Variants in APOLD1 observed in about 807,000 individuals in gnomAD.
The protein encoded by APOLD1 is apolipoprotein L domain-containing protein 1.
A neutral mutation model predicts 15.3 loss-of-function variants in APOLD1; 22 were observed. The ratio of observed to expected loss-of-function variants is 1.44; its 90% CI spans 1.03 to 2.05. The LOEUF is 2.05. APOLD1 is among the 30% of genes most tolerant of loss of function. The pLI, the probability that APOLD1 is intolerant of heterozygous loss-of-function variation, is 0.00. For synonymous variants in APOLD1, 190 were observed against 167.4 expected, an observed-to-expected ratio of 1.13 and a Z score of -1.04; for missense variants, 394 against 353.5, an observed-to-expected ratio of 1.11 and a Z score of -0.92.
chr12:12,741,309 T>G (rs983798739), intron 1 of APOLD1, among the ~76,000 whole-genome samples: 2 of 152,338 alleles, frequency 1.3e-5, no homozygotes, highest in African/African-American at 4.8e-5. Context: ...TGGGCTCAAG[T>G]GATCCTCCCA....
At chr12:12,773,226 A>T (rs1228056579) in intron 1 of APOLD1, among the ~76,000 whole-genome samples, 1 of 152,238 alleles carries the variant, frequency 6.6e-6, no homozygotes, top group East Asian at 1.9e-4. Flanking sequence ...CTAAGCTTCC[A>T]CCTTAGGAAT....
intron 1 of APOLD1, among the ~76,000 whole-genome samples, chr12:12,732,453 G>A (rs1387549812): frequency 6.6e-6 from 1 of 152,168 alleles, no homozygotes; most frequent in African/African-American, 2.4e-5. Context: ...ATGTGTTATG[G>A]AAACTTTACA....
intron 1 of APOLD1, among the ~76,000 whole-genome samples, chr12:12,755,375 C>T (rs1338929573): frequency 6.6e-6 from 1 of 151,816 alleles, no homozygotes; most frequent in Non-Finnish European, 1.5e-5. Context: ...CAAAAGGAAG[C>T]CCTATACCCA....
rs1476978973 is a variant in APOLD1 at position 12,787,232 on chromosome 12, G to T, written c.327G>T (p.Leu109=). 2.5e-6 allele frequency: 4 copies of T among 1,571,530 alleles called. No homozygotes were observed. The African/African-American group carries it at 5.4e-5, about 21-fold the overall frequency. The change falls in exon 2 of 2, where the codon CTG becomes CTT. Residue 109 remains leucine (L), a synonymous_variant. Coordinates refer to ENST00000356591, the MANE Select transcript of APOLD1 (RefSeq NM_030817.3). The surrounding 1 kb of genome is among the most constrained non-coding windows in gnomAD (Gnocchi z 4.9). ...GAVTITSDLS[L]IFCNSRELRR... ...TCACCATCACGTCCGATCTCTCGCT[G>T]ATCTTCTGCAACTCCCGGGAGCTGC...
At chr12:12,785,007 C>T (rs1453071522), upstream of APOLD1, among the ~76,000 whole-genome samples, 1 of 152,196 alleles carries the variant, frequency 6.6e-6, no homozygotes, top group African/African-American at 2.4e-5. Context: ...CAGCCTGACC[C>T]CACTGATTTT....
At chr12:12,756,305 A>G (rs999255037) in intron 1 of APOLD1, among the ~76,000 whole-genome samples, 1 of 152,302 alleles carries the variant, frequency 6.6e-6, no homozygotes, top group East Asian at 1.9e-4. Context: ...AGAGTACAGA[A>G]TTAGACCCGT....
intron 1 of APOLD1, among the ~76,000 whole-genome samples, chr12:12,761,989 C>A (rs1258885570): frequency 2.0e-5 from 3 of 151,998 alleles, no homozygotes; most frequent in African/African-American, 7.3e-5. Context: ...GTGTGCACCA[C>A]CACCATGCCT....
chr12:12,785,168 C>G (rs562355249), upstream of APOLD1, among the ~76,000 whole-genome samples: 2 of 152,300 alleles, frequency 1.3e-5, no homozygotes. Context: ...CAAATGATCC[C>G]AGGCTCCAGC....
chr12:12,738,486 A>G (rs76172316), intron 1 of APOLD1, among the ~76,000 whole-genome samples: 13,325 of 152,240 alleles, frequency 0.088, 683 homozygotes, highest in South Asian at 0.14. Flanking sequence ...GATGAGAAGC[A>G]TGAACCACTG....
intron 1 of APOLD1, among the ~76,000 whole-genome samples, chr12:12,769,970 T>C (rs929806265): frequency 2.0e-5 from 3 of 151,848 alleles, no homozygotes; most frequent in African/African-American, 7.3e-5. Flanking sequence ...CAAGAAAAAA[T>C]TACAAAGTAT....
chr12:12,758,925 T>C (rs1468442063), intron 1 of APOLD1, among the ~76,000 whole-genome samples: 1 of 152,172 alleles, frequency 6.6e-6, no homozygotes, highest in East Asian at 1.9e-4. Flanking sequence ...TCTTGTACTT[T>C]GGGGCCATTA....
chr12:12,777,923 T>TTTTTTTTGTTG (rs1555092183), intron 1 of APOLD1, among the ~76,000 whole-genome samples: 3 of 121,564 alleles, frequency 2.5e-5, no homozygotes, highest in Admixed American at 9.1e-5. Context: ...TTTTTTTTTT[T>TTTTTTTTGTTG]TTGTTGTTGT....
intron 1 of APOLD1, among the ~76,000 whole-genome samples, chr12:12,764,302 G>T (rs1033407397): frequency 7.2e-5 from 11 of 152,140 alleles, no homozygotes; most frequent in Admixed American, 3.9e-4. Flanking sequence ...TTGTACAAAA[G>T]ATCTGTTGAA....
chr12:12,778,573 C>A (rs1464569880), intron 1 of APOLD1, among the ~76,000 whole-genome samples: 2 of 151,934 alleles, frequency 1.3e-5, no homozygotes, highest in Non-Finnish European at 2.9e-5. Flanking sequence ...AGCAATCCTC[C>A]TGCCTCGGCC....
chr12:12,734,075 A>G (rs1278030583), intron 1 of APOLD1, among the ~76,000 whole-genome samples: 2 of 152,152 alleles, frequency 1.3e-5, no homozygotes, highest in Non-Finnish European at 2.9e-5. Context: ...AAATCTGTAC[A>G]TGAGTTATGA....
intron 1 of APOLD1, among the ~76,000 whole-genome samples, chr12:12,739,533 T>C (rs912679645): frequency 5.3e-5 from 8 of 152,348 alleles, no homozygotes; most frequent in African/African-American, 1.9e-4. Flanking sequence ...TTAAAAAATA[T>C]ATCTCAGAGT....
intron 1 of APOLD1, among the ~76,000 whole-genome samples, chr12:12,749,489 C>CA (rs1946791029): frequency 6.6e-6 from 1 of 152,218 alleles, no homozygotes; most frequent in Admixed American, 6.5e-5. Flanking sequence ...AGCAACCAAT[C>CA]AGACTGATTG....
chr12:12,753,578 A>G (rs1256514208), intron 1 of APOLD1, among the ~76,000 whole-genome samples: 1 of 151,684 alleles, frequency 6.6e-6, no homozygotes, highest in Non-Finnish European at 1.5e-5. Context: ...CTGAGGTGGG[A>G]GGATCGTTTG....
intron 1 of APOLD1, among the ~76,000 whole-genome samples, chr12:12,755,814 C>G (rs747468472): frequency 1.3e-5 from 2 of 152,212 alleles, no homozygotes; most frequent in South Asian, 4.1e-4. Context: ...GCGCTCTAAC[C>G]AGGGCAAAAG....
Sources: gnomAD v4.1 joint callset for allele counts (sites outside exome capture counted in the v4.1 genomes callset) on GRCh38, gnomAD v4.1.1 for gene constraint, Gnocchi (gnomAD v3.1) non-coding constraint, MANE v1.5 for transcripts, NCBI Gene and HGNC (gene_info 2026-07-23, HGNC 2026-07-21) for gene names.